The following PKD1L1 variants were observed in gnomAD, a reference collection of about 807,000 sequenced individuals.
PKD1L1 encodes the protein polycystin-1-like protein 1.
In PKD1L1, 236 loss-of-function variants were observed where a neutral mutation model predicts 323.4. The observed-to-expected ratio is 0.73, with a 90% confidence interval of 0.66 to 0.81. PKD1L1 has a LOEUF of 0.81. PKD1L1 is among the 40% of genes least tolerant of loss of function. The pLI is 0.00. For missense variants in PKD1L1, 3,320 were observed against 3,508.0 expected (o/e 0.95, Z 1.35); for synonymous variants, 1,344 against 1,335.0 (o/e 1.01, Z -0.15).
intron 1 of PKD1L1, among the ~76,000 whole-genome samples, chr7:47,945,644 G>A (rs1030851465): frequency 1.3e-5 from 2 of 152,200 alleles, no homozygotes; most frequent in Non-Finnish European, 2.9e-5. Flanking sequence ...ATCAGACTTA[G>A]AGGATTTCTG....
chr7:47,932,291 G>A (rs1438501806), intron 4 of PKD1L1, among the ~76,000 whole-genome samples: 3 of 152,198 alleles, frequency 2.0e-5, no homozygotes, highest in Non-Finnish European at 4.4e-5. Flanking sequence ...CTTAGGTAGA[G>A]TAGAGCTTAT....
chr7:47,901,327 C>CAAAAAAAAAAAAAA (rs71699736), intron 13 of PKD1L1, among the ~76,000 whole-genome samples: 31 of 62,528 alleles, frequency 5.0e-4, no homozygotes, highest in Non-Finnish European at 6.1e-4. Context: ...AACAGAGTCT[C>CAAAAAAAAAAAAAA]AAAAAAAAAA....
At chr7:47,943,278 C>T in intron 2 of PKD1L1, 118 bp downstream of exon 2, 1 of 790,922 alleles carries the variant, frequency 1.3e-6, no homozygotes, top group Non-Finnish European at 2.0e-6. Context: ...CTCTGACCTT[C>T]CTTCTGTTTC....
At chr7:47,913,941 T>TA (rs1351447183) in intron 8 of PKD1L1, among the ~76,000 whole-genome samples, 1 of 152,144 alleles carries the variant, frequency 6.6e-6, no homozygotes, top group African/African-American at 2.4e-5. Flanking sequence ...ATTGCCTCAT[T>TA]AGTAATTGCT....
At chr7:47,901,327 C>CAAAAAAAAAAAAAAAAAAAAA (rs71699736) in intron 13 of PKD1L1, among the ~76,000 whole-genome samples, 1 of 62,620 alleles carries the variant, frequency 1.6e-5, no homozygotes, top group East Asian at 4.3e-4. Context: ...AACAGAGTCT[C>CAAAAAAAAAAAAAAAAAAAAA]AAAAAAAAAA....
intron 4 of PKD1L1, among the ~76,000 whole-genome samples, chr7:47,932,706 C>A (rs145162199): frequency 9.8e-5 from 15 of 152,372 alleles, no homozygotes; most frequent in African/African-American, 3.6e-4. Context: ...CCAGGCCCCA[C>A]CTCTGGCAAG....
intron 24 of PKD1L1, among the ~76,000 whole-genome samples, chr7:47,873,635 C>T (rs776749006): frequency 1.8e-5 from 2 of 110,980 alleles, no homozygotes; most frequent in African/African-American, 3.6e-5. Context: ...GGGTGACAGG[C>T]GGAGACTCTG....
In PKD1L1 at chr7:47,946,506, C is replaced by A. The variant is rs1788100298; in HGVS notation, c.44+1891G>T. Among the ~76,000 whole-genome samples, 1 of 149,476 alleles carries A rather than the reference C, an allele frequency of 6.7e-6. No homozygotes were observed. The highest frequency in any genetic ancestry group is 2.5e-5 in the African/African-American group (1 of 40,644). Reference sequence around the variant, plus strand: ...ACACACCACGCACCACACAAACACACCATACACACAAACACCACACACACA... The same window carrying A: ...ACACACCACGCACCACACAAACACAACATACACACAAACACCACACACACA... On this transcript the variant is annotated intron_variant, in intron 1 of 56. Transcript: ENST00000289672. This position sits in a 1 kb window ranked among gnomAD's most constrained non-coding sequence, Gnocchi z 4.1.
Position 47,829,565 on chromosome 7 carries a change from T to C in PKD1L1, c.6595A>G (p.Arg2199Gly). The C allele has an allele frequency of 1.2e-6, 2 of 1,612,894 alleles. No homozygotes were observed. Among genetic ancestry groups the C allele is most frequent in the Non-Finnish European group, 1.7e-6 (2 of 1,179,648 alleles). Reference sequence around the variant, plus strand: ...TCAGTAAAAAAGTGGTTGTCAGCTCTTCTTTTCCAAGCAAAACCCAAGGCC... The same window carrying C: ...TCAGTAAAAAAGTGGTTGTCAGCTCCTCTTTTCCAAGCAAAACCCAAGGCC... The part of the protein sequence containing the change: ...LMALGFAWKR[R>G]ADNHFFTESL... Residue 2199 changes from arginine (R) to glycine (G), a missense_variant, in exon 44 of 57, where the codon AGA becomes GGA. Coordinates refer to ENST00000289672, the MANE Select transcript of PKD1L1 (RefSeq NM_138295.5).
chr7:47,855,046 T>A lies in PKD1L1; in HGVS notation c.4702-7A>T, dbSNP rs1583622545. ...TTTTATTTCTCCTATTATCCTGTCA[T>A]CACAAAGAAAACAAGTTAAGCAAAA... On this transcript the variant is annotated splice_region_variant and splice_polypyrimidine_tract_variant and intron_variant, in intron 29 of 56. Coordinates refer to ENST00000289672, the MANE Select transcript of PKD1L1 (RefSeq NM_138295.5). 1.2e-6 allele frequency: 2 copies of A among 1,609,506 alleles called. No homozygotes were observed. Among genetic ancestry groups the A allele is most frequent in the East Asian group, 2.2e-5 (1 of 44,838 alleles).
At chr7:47,929,927 T>C (rs1787732514) in intron 6 of PKD1L1, among the ~76,000 whole-genome samples, 1 of 152,228 alleles carries the variant, frequency 6.6e-6, no homozygotes, top group Non-Finnish European at 1.5e-5. Flanking sequence ...ACTTCCTGTG[T>C]TTTTGCGAAA....
intron 14 of PKD1L1, among the ~76,000 whole-genome samples, chr7:47,895,502 G>A (rs1039713343): frequency 6.6e-6 from 1 of 151,980 alleles, no homozygotes; most frequent in Non-Finnish European, 1.5e-5. Flanking sequence ...AGTATTTGGA[G>A]GAGGGAGGGA....
At chr7:47,819,439 A>C in intron 46 of PKD1L1, 1 of 880,546 alleles carries the variant, frequency 1.1e-6, no homozygotes, top group South Asian at 1.7e-5. Context: ...AGCAAAAGCC[A>C]GAGGTTTTTC....
intron 36 of PKD1L1, among the ~76,000 whole-genome samples, chr7:47,838,953 T>A (rs1478084406): frequency 6.6e-6 from 1 of 151,404 alleles, no homozygotes; most frequent in African/African-American, 2.4e-5. Flanking sequence ...AATGTGTTTG[T>A]ATATAGGGAA....
At chr7:47,899,135 A>AT (rs1787022062) in intron 13 of PKD1L1, among the ~76,000 whole-genome samples, 1 of 152,150 alleles carries the variant, frequency 6.6e-6, no homozygotes, top group Non-Finnish European at 1.5e-5. Context: ...CAGCATAATT[A>AT]TTTTTAAAAT....
intron 7 of PKD1L1, among the ~76,000 whole-genome samples, chr7:47,921,489 T>A (rs1218755343): frequency 3.9e-5 from 6 of 152,154 alleles, no homozygotes; most frequent in Non-Finnish European, 8.8e-5. Context: ...CTTAAATAAC[T>A]AAAAGTAGAA....
At chr7:47,896,720 C>A (rs1490664624) in intron 14 of PKD1L1, among the ~76,000 whole-genome samples, 2 of 152,142 alleles carry the variant, frequency 1.3e-5, no homozygotes, top group Non-Finnish European at 2.9e-5. Context: ...CCCTCCTCCA[C>A]TCGTTCAGTA....
At position 47,808,319 on chromosome 7, in the gene PKD1L1, A is replaced by G; in HGVS notation, c.7755T>C (p.Asp2585=). 1.2e-6 allele frequency: 2 copies of G among 1,614,184 alleles called. No homozygotes were observed. Among genetic ancestry groups the G allele is most frequent in the South Asian group, 2.2e-5 (2 of 91,086 alleles). Residue 2585 remains aspartate (D), a synonymous_variant, in exon 52 of 57, where the codon GAT becomes GAC. Transcript: ENST00000289672. The stretch of plus-strand genomic sequence containing the variant: ...GTCCTCTGTGAAACTGGTTAGTGAC[A>G]TCTCCAGCAAGAGTAACAAGGTGGC... ...VSGHLVTLAG[D]VTNQFHRGLC...
chr7:47,951,204 G>A (rs147980992), upstream of PKD1L1, among the ~76,000 whole-genome samples: 1 of 152,048 alleles, frequency 6.6e-6, no homozygotes, highest in African/African-American at 2.4e-5. Context: ...ACAAAGACTC[G>A]ATCAGGATTT....
Sources: gnomAD v4.1 joint callset for allele counts (sites outside exome capture counted in the v4.1 genomes callset) on GRCh38, gnomAD v4.1.1 for gene constraint, Gnocchi (gnomAD v3.1) non-coding constraint, MANE v1.5 for transcripts, NCBI Gene and HGNC (gene_info 2026-07-23, HGNC 2026-07-21) for gene names.